CLYBL: variants seen among roughly 807,000 people sequenced by gnomAD.
CLYBL encodes citramalyl-CoA lyase.
In CLYBL, 31 loss-of-function variants were observed where a neutral mutation model predicts 38.9. That is an observed-to-expected ratio of 0.80 (90% confidence interval 0.60 to 1.08). CLYBL has a LOEUF of 1.08. Among genes scored for constraint, CLYBL ranks in the 50% least tolerant of loss-of-function variants. The pLI, the probability that CLYBL is intolerant of heterozygous loss-of-function variation, is 0.00. For missense variants in CLYBL, 434 were observed against 411.6 expected (o/e 1.05, Z -0.47); for synonymous variants, 171 against 158.6 (o/e 1.08, Z -0.59).
intron 2 of CLYBL, among the ~76,000 whole-genome samples, chr13:99,807,884 G>A (rs552505349): frequency 4.6e-5 from 7 of 152,006 alleles, no homozygotes; most frequent in African/African-American, 7.2e-5. Flanking sequence ...TATGAGAAGA[G>A]TTAAAAGAAT....
At chr13:99,613,017 A>G (rs2046651450) in intron 1 of CLYBL, among the ~76,000 whole-genome samples, 1 of 84,454 alleles carries the variant, frequency 1.2e-5, no homozygotes, top group Admixed American at 1.5e-4. Flanking sequence ...TCTATTAAAA[A>G]TAGTGATGAT....
chr13:99,749,556 G>A (rs1043921442), intron 1 of CLYBL, among the ~76,000 whole-genome samples: 1 of 152,150 alleles, frequency 6.6e-6, no homozygotes. Context: ...AGCCATGGTG[G>A]ACCACAAACT....
At chr13:99,728,205 A>G (rs755432648) in intron 1 of CLYBL, among the ~76,000 whole-genome samples, 2 of 152,088 alleles carry the variant, frequency 1.3e-5, no homozygotes, top group Non-Finnish European at 1.5e-5. Context: ...GTGAGCCACC[A>G]TACTGGCCCC....
At chr13:99,846,286 ATTTTTTTTT>A (rs5806139) in intron 2 of CLYBL, among the ~76,000 whole-genome samples, 1 of 108,144 alleles carries the variant, frequency 9.2e-6, no homozygotes, top group African/African-American at 3.3e-5. Context: ...TTGTGTGGAG[ATTTTTTTTT>A]TTTTTTTTTT....
chr13:99,871,805 C>T (rs1015896769), intron 7 of CLYBL, among the ~76,000 whole-genome samples: 1 of 151,990 alleles, frequency 6.6e-6, no homozygotes, highest in Non-Finnish European at 1.5e-5. Flanking sequence ...GCAATAATAC[C>T]GTTTGCCTCT....
chr13:99,861,954 C>G (rs1273806294), intron 3 of CLYBL, among the ~76,000 whole-genome samples: 1 of 152,064 alleles, frequency 6.6e-6, no homozygotes, highest in Non-Finnish European at 1.5e-5. Flanking sequence ...GCCATAGCAG[C>G]CTTATTCCTG....
chr13:99,610,993 C>T (rs2046617749), intron 1 of CLYBL, among the ~76,000 whole-genome samples: 1 of 152,188 alleles, frequency 6.6e-6, no homozygotes. Context: ...TAGGGTCTTC[C>T]AAGGAACCAC....
intron 2 of CLYBL, among the ~76,000 whole-genome samples, chr13:99,837,027 C>CTT (rs1332963407): frequency 2.0e-5 from 3 of 151,268 alleles, no homozygotes; most frequent in Non-Finnish European, 4.4e-5. Flanking sequence ...TACCCTAAAA[C>CTT]TTAAAGTATA....
intron 1 of CLYBL, among the ~76,000 whole-genome samples, chr13:99,643,615 C>T (rs1242504793): frequency 2.0e-5 from 3 of 152,176 alleles, no homozygotes; most frequent in Admixed American, 6.5e-5. Flanking sequence ...CTGTGCGCCT[C>T]GGTTCAGATT....
At chr13:99,805,641 GC>G (rs1208083923) in intron 2 of CLYBL, among the ~76,000 whole-genome samples, 1 of 152,120 alleles carries the variant, frequency 6.6e-6, no homozygotes, top group African/African-American at 2.4e-5. Context: ...ATTTCGAGGT[GC>G]TTTTGCATCC....
intron 1 of CLYBL, among the ~76,000 whole-genome samples, chr13:99,763,551 T>A (rs982237877): frequency 1.4e-5 from 2 of 139,506 alleles, no homozygotes; most frequent in African/African-American, 5.8e-5. Context: ...TTTTATTCTT[T>A]TTTTTTTTTT....
intron 1 of CLYBL, among the ~76,000 whole-genome samples, chr13:99,717,322 A>G (rs2048331548): frequency 6.8e-6 from 1 of 146,120 alleles, no homozygotes; most frequent in South Asian, 2.3e-4. Context: ...GCTACTCGGG[A>G]GGCTGAGGCA....
chr13:99,768,213 G>A (rs557990944), intron 1 of CLYBL, among the ~76,000 whole-genome samples: 5 of 11,346 alleles, frequency 4.4e-4, no homozygotes, highest in Admixed American at 4.1e-3. Context: ...TTTTTTTTTT[G>A]AGCAGAGTCT....
chr13:99,674,632 C>T (rs1186475783), intron 1 of CLYBL, among the ~76,000 whole-genome samples: 3 of 152,112 alleles, frequency 2.0e-5, no homozygotes, highest in Non-Finnish European at 2.9e-5. Flanking sequence ...ACGAAGACCT[C>T]AGCCCAAGGC....
intron 1 of CLYBL, among the ~76,000 whole-genome samples, chr13:99,770,067 TTTTCTTTTCTTTC>T (rs1385677373): frequency 1.4e-5 from 2 of 146,566 alleles, no homozygotes; most frequent in African/African-American, 2.5e-5. Context: ...TTTTCTTTCT[TTTTCTTTTCTTTC>T]TTTTTTTTTT....
intron 1 of CLYBL, among the ~76,000 whole-genome samples, chr13:99,741,747 GA>G (rs2048760468): frequency 6.6e-6 from 1 of 152,166 alleles, no homozygotes; most frequent in Admixed American, 6.5e-5. Context: ...AAAGTGCTGG[GA>G]TTATAGGCAT....
At chr13:99,842,569 C>T (rs184619061) in intron 2 of CLYBL, among the ~76,000 whole-genome samples, 12 of 152,262 alleles carry the variant, frequency 7.9e-5, no homozygotes, top group East Asian at 1.9e-4. Context: ...AAATAAGCTA[C>T]CTTCCCAGTC....
intron 1 of CLYBL, among the ~76,000 whole-genome samples, chr13:99,648,189 T>A (rs1185688708): frequency 6.6e-6 from 1 of 152,196 alleles, no homozygotes; most frequent in Non-Finnish European, 1.5e-5. Flanking sequence ...GGGAGCTGTC[T>A]GTTTTGTTCA....
At chr13:99,723,124 C>T (rs560709813) in intron 1 of CLYBL, among the ~76,000 whole-genome samples, 4 of 152,200 alleles carry the variant, frequency 2.6e-5, no homozygotes, top group Admixed American at 1.3e-4. Context: ...CAGGGCTGCA[C>T]GTTATCAAGC....
Sources: gnomAD v4.1 joint callset for allele counts (sites outside exome capture counted in the v4.1 genomes callset) on GRCh38, gnomAD v4.1.1 for gene constraint, MANE v1.5 for transcripts, NCBI Gene and HGNC (gene_info 2026-07-23, HGNC 2026-07-21) for gene names.